Variants in LRRC37A observed in about 807,000 individuals in gnomAD.
LRRC37A encodes leucine-rich repeat-containing protein 37A.
Under a neutral mutation model 35.4 loss-of-function variants are expected in LRRC37A, and 3 were observed. That is an observed-to-expected ratio of 0.08 (90% CI 0.04 to 0.22). The LOEUF (loss-of-function observed/expected upper bound fraction) is 0.22. Ranked by LOEUF, LRRC37A falls within the 10% of genes least tolerant of loss-of-function variation. The pLI is 1.00. For missense variants in LRRC37A, 67 were observed against 565.3 expected, an observed-to-expected ratio of 0.12 and a Z score of 8.94; for synonymous variants, 23 against 215.0, an observed-to-expected ratio of 0.11 and a Z score of 7.81.
chr17:46,271,332 ATTTTTTTTTTTT>A, the LRRC37A span, among the ~76,000 whole-genome samples: 2 of 125,646 alleles, frequency 1.6e-5, no homozygotes, highest in South Asian at 4.9e-4. Flanking sequence ...TACCTAGCTA[ATTTTTTTTTTTT>A]TTTTTTTTTG....
the LRRC37A span, among the ~76,000 whole-genome samples, chr17:46,263,274 C>G: frequency 6.6e-6 from 1 of 151,912 alleles, no homozygotes; most frequent in African/African-American, 2.4e-5. Flanking sequence ...AAATGGAGCC[C>G]GGTGCAGTGG....
rs1420547186 is a variant in LRRC37A at position 46,323,969 on chromosome 17, T to C, written c.3053+942T>C. On this transcript the variant is annotated intron_variant, in intron 7 of 13. Coordinates refer to ENST00000320254, the Ensembl canonical transcript of LRRC37A. The stretch of plus-strand genomic sequence containing the variant: ...TGTATACAAACATTATGTCATTTCA[T>C]AAAAAAGACCTCAGCATCTGTGGAC... Among the ~76,000 whole-genome samples the C allele has an allele frequency of 2.0e-5, 2 of 102,310 alleles. 1 individual carries two copies. The highest frequency in any genetic ancestry group is 4.9e-4 in the East Asian group (2 of 4,062). The allele number at this position is 102,310 out of a possible 152,430, so 67.1% of individuals were successfully genotyped here.
At chr17:46,270,623 G>C in the LRRC37A span, among the ~76,000 whole-genome samples, 1 of 152,182 alleles carries the variant, frequency 6.6e-6, no homozygotes, top group Non-Finnish European at 1.5e-5. Flanking sequence ...ATGTCAAAAG[G>C]CTAGGCCGGG....
the LRRC37A span, among the ~76,000 whole-genome samples, chr17:46,278,745 C>T: frequency 6.6e-6 from 1 of 152,196 alleles, no homozygotes. Context: ...TTATATCATT[C>T]CATGCTTTGT....
chr17:46,255,322 G>A, the LRRC37A span, among the ~76,000 whole-genome samples: 4,979 of 151,576 alleles, frequency 0.033, 249 homozygotes, highest in African/African-American at 0.11. Flanking sequence ...GATGGAAGGC[G>A]GCTACTATTA....
chr17:46,253,931 G>T, the LRRC37A span, among the ~76,000 whole-genome samples: 21,920 of 151,856 alleles, frequency 0.14, 2,125 homozygotes, highest in Middle Eastern at 0.22. Flanking sequence ...AACTGAGAGA[G>T]GATTTGAACC....
At chr17:46,269,156 T>A in the LRRC37A span, among the ~76,000 whole-genome samples, 3 of 152,230 alleles carry the variant, frequency 2.0e-5, no homozygotes, top group Non-Finnish European at 4.4e-5. Flanking sequence ...GTAAGCGCAC[T>A]AGTCAAAAGA....
chr17:46,291,118 T>G (rs565852249), upstream of LRRC37A, among the ~76,000 whole-genome samples: 2 of 152,354 alleles, frequency 1.3e-5, no homozygotes, highest in South Asian at 4.1e-4. Context: ...CCTTCTCTAT[T>G]TATAGAGAGA....
chr17:46,264,803 A>G, the LRRC37A span, among the ~76,000 whole-genome samples: 28 of 152,208 alleles, frequency 1.8e-4, no homozygotes, highest in African/African-American at 6.8e-4. Context: ...CTGTCTCTAC[A>G]TTTCAGGGTG....
the LRRC37A span, among the ~76,000 whole-genome samples, chr17:46,259,187 A>C: frequency 6.7e-6 from 1 of 150,340 alleles, no homozygotes; most frequent in Non-Finnish European, 1.5e-5. Flanking sequence ...GCCCTTCCCC[A>C]CAAATAAAAA....
chr17:46,268,409 A>C, the LRRC37A span: 1 of 942,620 alleles, frequency 1.1e-6, no homozygotes, highest in Non-Finnish European at 1.4e-6. Context: ...GCAAGATAGT[A>C]GATTGCAGCT....
At chr17:46,263,138 C>T in the LRRC37A span, among the ~76,000 whole-genome samples, 8 of 152,136 alleles carry the variant, frequency 5.3e-5, no homozygotes, top group South Asian at 2.1e-4. Flanking sequence ...ACCTGAGTCC[C>T]GCGAGGTCAA....
chr17:46,252,652 T>C, the LRRC37A span, among the ~76,000 whole-genome samples: 1 of 150,080 alleles, frequency 6.7e-6, no homozygotes, highest in African/African-American at 2.4e-5. Context: ...TAACCCTGAG[T>C]GGACACAGCA....
At chr17:46,265,300 CTTCTTCTTCTTCTTCCTCT>C in the LRRC37A span, among the ~76,000 whole-genome samples, 374 of 122,504 alleles carry the variant, frequency 3.1e-3, 8 homozygotes, top group East Asian at 0.028. Context: ...TCTTCTTCTT[CTTCTTCTTCTTCTTCCTCT>C]TCTTCTTTTT....
the LRRC37A span, chr17:46,260,710 G>T: frequency 1.1e-6 from 1 of 944,700 alleles, no homozygotes. Flanking sequence ...CGCAACCTCC[G>T]CCTCCCGGGT....
At chr17:46,258,080 T>C in the LRRC37A span, among the ~76,000 whole-genome samples, 3 of 152,222 alleles carry the variant, frequency 2.0e-5, no homozygotes, top group Non-Finnish European at 2.9e-5. Flanking sequence ...GAAGACTTCA[T>C]TGGCTTACTA....
upstream of LRRC37A, among the ~76,000 whole-genome samples, chr17:46,287,990 G>C (rs1394454234): frequency 6.6e-6 from 1 of 152,242 alleles, no homozygotes; most frequent in Non-Finnish European, 1.5e-5. Flanking sequence ...GAATCACAGG[G>C]AAGCAGGCTG....
the LRRC37A span, among the ~76,000 whole-genome samples, chr17:46,258,788 C>T: frequency 1.3e-3 from 188 of 143,044 alleles, no homozygotes; most frequent in African/African-American, 4.6e-3. Context: ...AATCTTGGCT[C>T]ACTGCAAGCT....
At chr17:46,259,019 ATTTTTTTTTTTTTTTT>A in the LRRC37A span, among the ~76,000 whole-genome samples, 228 of 79,454 alleles carry the variant, frequency 2.9e-3, 3 homozygotes, top group African/African-American at 5.2e-3. Flanking sequence ...CACCCGGCCT[ATTTTTTTTTTTTTTTT>A]TTTTTTTTTT....
Sources: allele counts gnomAD v4.1 joint callset (sites outside exome capture counted in the v4.1 genomes callset), GRCh38; gene constraint gnomAD v4.1.1; transcripts MANE v1.5; gene names NCBI Gene and HGNC (gene_info 2026-07-23, HGNC 2026-07-21).